IQCJ: variants seen among roughly 807,000 people sequenced by gnomAD.
The protein encoded by IQCJ is IQ motif containing J, also known as IQ domain-containing protein J.
Under a neutral mutation model 11.0 loss-of-function variants are expected in IQCJ, and 9 were observed. The observed-to-expected ratio is 0.82, with a 90% CI of 0.49 to 1.43. The LOEUF (loss-of-function observed/expected upper bound fraction) is 1.43. Ranked by LOEUF, IQCJ falls within the 40% of genes most tolerant of loss-of-function variation. The pLI, the probability that IQCJ is intolerant of heterozygous loss-of-function variation, is 0.00. For synonymous variants in IQCJ, 55 were observed against 51.3 expected, an observed-to-expected ratio of 1.07 and a Z score of -0.31; for missense variants, 146 against 133.2, an observed-to-expected ratio of 1.10 and a Z score of -0.47.
In IQCJ at chr3:159,262,565, G is replaced by C; in HGVS notation, c.173G>C (p.Arg58Pro). Residue 58 changes from arginine (R) to proline (P), a missense_variant, in exon 4 of 4, where the codon CGA (arginine) becomes CCA (proline). Coordinates refer to ENST00000397832, the MANE Select transcript of IQCJ (RefSeq NM_001042706.3). ...TTTTTCAGCATTCAGCGAGCATGGCGAGAGTACCTGCAGCGGCAGGAGCCC... is the reference window on the plus strand; with the variant it reads ...TTTTTCAGCATTCAGCGAGCATGGCCAGAGTACCTGCAGCGGCAGGAGCCC... ...SKVKIIQRAWREYLQRQEPLG... is the reference protein window; with the variant it reads ...SKVKIIQRAWPEYLQRQEPLG... The C allele has an allele frequency of 1.9e-6, 3 of 1,613,550 alleles. No homozygotes were observed. The highest frequency in any genetic ancestry group is 2.5e-6 in the Non-Finnish European group (3 of 1,179,640).
chr3:159,205,350 C>T (rs1466122752), intron 1 of IQCJ, among the ~76,000 whole-genome samples: 2 of 152,174 alleles, frequency 1.3e-5, no homozygotes, highest in Non-Finnish European at 2.9e-5. Flanking sequence ...AAAGTCAGGA[C>T]ATGTTAGTTT....
At chr3:159,182,473 C>T (rs1723144702) in intron 1 of IQCJ, among the ~76,000 whole-genome samples, 2 of 152,010 alleles carry the variant, frequency 1.3e-5, no homozygotes, top group Admixed American at 1.3e-4. Flanking sequence ...GCAGACAAAA[C>T]TCCTCAGACA....
At chr3:159,140,855 T>A (rs1207123419) in intron 1 of IQCJ, among the ~76,000 whole-genome samples, 1 of 152,198 alleles carries the variant, frequency 6.6e-6, no homozygotes, top group African/African-American at 2.4e-5. Flanking sequence ...GTCTCACAGA[T>A]GCATGCTACG....
chr3:159,128,738 C>T (rs1719820983), intron 1 of IQCJ, among the ~76,000 whole-genome samples: 2 of 151,702 alleles, frequency 1.3e-5, no homozygotes, highest in African/African-American at 4.9e-5. Context: ...CCTTCCCTTT[C>T]CCAAAGTTTA....
chr3:159,149,540 G>A (rs759681592), intron 1 of IQCJ, among the ~76,000 whole-genome samples: 1 of 152,118 alleles, frequency 6.6e-6, no homozygotes, highest in Non-Finnish European at 1.5e-5. Context: ...AGGCTGTTTG[G>A]GGGCTACTGC....
intron 1 of IQCJ, among the ~76,000 whole-genome samples, chr3:159,222,674 A>G (rs1187896230): frequency 4.6e-5 from 7 of 152,166 alleles, no homozygotes; most frequent in Admixed American, 6.5e-5. Flanking sequence ...CTAAGAGAGT[A>G]GGTTTTAGGT....
At chr3:159,141,176 C>G (rs1471092944) in intron 1 of IQCJ, among the ~76,000 whole-genome samples, 1 of 151,968 alleles carries the variant, frequency 6.6e-6, no homozygotes, top group East Asian at 1.9e-4. Context: ...TTGGAGAGTG[C>G]ATTTAAAAAA....
At chr3:159,180,176 A>G (rs967860018) in intron 1 of IQCJ, among the ~76,000 whole-genome samples, 15 of 152,212 alleles carry the variant, frequency 9.9e-5, no homozygotes, top group African/African-American at 3.6e-4. Flanking sequence ...ATATGCTTAA[A>G]TGGAACATTG....
At chr3:159,199,112 A>G (rs1724165237) in intron 1 of IQCJ, among the ~76,000 whole-genome samples, 1 of 152,216 alleles carries the variant, frequency 6.6e-6, no homozygotes, top group African/African-American at 2.4e-5. Flanking sequence ...AGGCAGAATA[A>G]TGGCCCCTCA....
At chr3:159,124,213 G>C (rs1719542464) in intron 1 of IQCJ, among the ~76,000 whole-genome samples, 1 of 152,082 alleles carries the variant, frequency 6.6e-6, no homozygotes, top group African/African-American at 2.4e-5. Flanking sequence ...ACCTGTCTGG[G>C]GAAGGCTATC....
At chr3:159,133,638 G>C (rs1237719826) in intron 1 of IQCJ, among the ~76,000 whole-genome samples, 1 of 152,170 alleles carries the variant, frequency 6.6e-6, no homozygotes, top group African/African-American at 2.4e-5. Context: ...TGCAGAGGAT[G>C]ACAGGAGAAG....
intron 1 of IQCJ, among the ~76,000 whole-genome samples, chr3:159,240,046 C>A (rs987485960): frequency 3.3e-5 from 5 of 151,782 alleles, no homozygotes; most frequent in African/African-American, 1.2e-4. Flanking sequence ...TTACTTATGT[C>A]ATTGGAGGTG....
chr3:159,117,987 G>A (rs1012256105), intron 1 of IQCJ, among the ~76,000 whole-genome samples: 1 of 152,110 alleles, frequency 6.6e-6, no homozygotes, highest in African/African-American at 2.4e-5. Context: ...TCAAACTGAG[G>A]TGCAAAGTAG....
At chr3:159,101,573 A>G (rs948022938) in intron 1 of IQCJ, among the ~76,000 whole-genome samples, 2 of 152,158 alleles carry the variant, frequency 1.3e-5, no homozygotes, top group Non-Finnish European at 2.9e-5. Context: ...TTCTTTGTTC[A>G]TTGACATCTT....
At chr3:159,079,851 A>C (rs1250853060) in intron 1 of IQCJ, among the ~76,000 whole-genome samples, 1 of 152,104 alleles carries the variant, frequency 6.6e-6, no homozygotes, top group Non-Finnish European at 1.5e-5. Flanking sequence ...ATTATTGCAC[A>C]AATCTTTATT....
intron 1 of IQCJ, among the ~76,000 whole-genome samples, chr3:159,243,432 C>T (rs1184820812): frequency 6.6e-6 from 1 of 151,958 alleles, no homozygotes; most frequent in East Asian, 1.9e-4. Context: ...AACTACTCAG[C>T]AATAAAAAGA....
At chr3:159,224,547 A>G (rs1171255083) in intron 1 of IQCJ, among the ~76,000 whole-genome samples, 1 of 152,212 alleles carries the variant, frequency 6.6e-6, no homozygotes, top group Non-Finnish European at 1.5e-5. Flanking sequence ...ACCATTTTCA[A>G]TCTGGCATAA....
chr3:159,113,765 TTACTC>T (rs1718780899), intron 1 of IQCJ, among the ~76,000 whole-genome samples: 1 of 152,182 alleles, frequency 6.6e-6, no homozygotes. Context: ...TAACTACTGC[TTACTC>T]CATGATCTCT....
intron 2 of IQCJ, 90 bp from the exon 3 acceptor site, chr3:159,252,637 T>C (rs1433979430): frequency 1.8e-6 from 2 of 1,138,408 alleles, no homozygotes; most frequent in Non-Finnish European, 2.4e-6. Context: ...CTACATCTTA[T>C]TTTACACATA....
Sources: gnomAD v4.1 joint callset for allele counts (sites outside exome capture counted in the v4.1 genomes callset) on GRCh38, gnomAD v4.1.1 for gene constraint, MANE v1.5 for transcripts, NCBI Gene and HGNC (gene_info 2026-07-23, HGNC 2026-07-21) for gene names.